MDGA2: variants seen among roughly 807,000 people sequenced by gnomAD.
MDGA2 encodes MAM domain containing glycosylphosphatidylinositol anchor 2, also known as MAM domain-containing glycosylphosphatidylinositol anchor protein 2.
MDGA2 carries 40 observed loss-of-function variants against 117.8 expected under a neutral mutation model. That is an observed-to-expected ratio of 0.34 (90% CI 0.26 to 0.44). The LOEUF (loss-of-function observed/expected upper bound fraction) is 0.44, where lower values mean the gene tolerates loss of function less well. Among genes scored for constraint, MDGA2 ranks in the 20% least tolerant of loss-of-function variants. The probability of loss-of-function intolerance (pLI) is 1.00; values close to 1 mark genes in which losing one functional copy is unlikely to be tolerated. For synonymous variants in MDGA2, 452 were observed against 439.0 expected, an observed-to-expected ratio of 1.03 and a Z score of -0.37; for missense variants, 1,123 against 1,250.6, an observed-to-expected ratio of 0.90 and a Z score of 1.54.
chr14:46,853,631 A>C (rs12893147), intron 15 of MDGA2, among the ~76,000 whole-genome samples: 14 of 151,652 alleles, frequency 9.2e-5, no homozygotes, highest in Admixed American at 9.2e-4. Flanking sequence ...TAAAAAAAAA[A>C]CAACAAGGAT....
At chr14:46,974,288 G>A (rs1197318964) in intron 8 of MDGA2, among the ~76,000 whole-genome samples, 4 of 152,000 alleles carry the variant, frequency 2.6e-5, no homozygotes, top group South Asian at 4.1e-4. Flanking sequence ...TTGTTAATAC[G>A]TCAAAACTAC....
rs1352930790 is a variant in MDGA2, at chr14:47,355,023, T to C, written c.281-53473A>G. ...TTACTACCTGGGTACATTCTGGGTA[T>C]GTTTTCAGATATGTTTTTAAAAGAA... On this transcript the variant is annotated intron_variant, in intron 1 of 16. Coordinates refer to ENST00000399232, the MANE Select transcript of MDGA2 (RefSeq NM_001113498.3). Among the ~76,000 whole-genome samples, 3 of 152,080 alleles carry C rather than the reference T, an allele frequency of 2.0e-5. No individual in the cohort carries two copies. The East Asian group carries it at 5.8e-4, about 29-fold the overall frequency.
intron 1 of MDGA2, among the ~76,000 whole-genome samples, chr14:47,566,419 G>T (rs1358667905): frequency 6.6e-6 from 1 of 152,270 alleles, no homozygotes; most frequent in Admixed American, 6.5e-5. Context: ...GTCTCTTCAG[G>T]TCTGACAGTT....
intron 8 of MDGA2, among the ~76,000 whole-genome samples, chr14:47,016,614 CATT>C (rs1888092098): frequency 6.6e-6 from 1 of 151,998 alleles, no homozygotes; most frequent in Non-Finnish European, 1.5e-5. Context: ...TCAAAACCAT[CATT>C]ATTACTCTAC....
chr14:47,222,296 A>G (rs868858945), intron 2 of MDGA2, among the ~76,000 whole-genome samples: 38 of 152,074 alleles, frequency 2.5e-4, no homozygotes, highest in African/African-American at 7.5e-4. Context: ...GATAATATTT[A>G]TATATAATAA....
At chr14:46,921,076 A>G (rs1283706638) in intron 9 of MDGA2, among the ~76,000 whole-genome samples, 3 of 152,160 alleles carry the variant, frequency 2.0e-5, no homozygotes, top group African/African-American at 7.2e-5. Flanking sequence ...AATTTTTTCT[A>G]TTACAAATAA....
chr14:47,227,022 G>A (rs74675056), intron 2 of MDGA2, among the ~76,000 whole-genome samples: 1,648 of 152,102 alleles, frequency 0.011, 27 homozygotes, highest in African/African-American at 0.038. Context: ...GCTCTATTAT[G>A]TCCTGCCCCC....
At chr14:47,574,811 T>A (rs751152481) in intron 1 of MDGA2, among the ~76,000 whole-genome samples, 9 of 152,114 alleles carry the variant, frequency 5.9e-5, no homozygotes, top group Non-Finnish European at 1.2e-4. Context: ...AAAGAGCAAA[T>A]AATCTGCCCA....
At chr14:46,876,747 C>T (rs1461451501) in intron 12 of MDGA2, among the ~76,000 whole-genome samples, 1 of 151,324 alleles carries the variant, frequency 6.6e-6, no homozygotes, top group African/African-American at 2.4e-5. Flanking sequence ...CCCAGTGGTC[C>T]TTTTGCACCC....
At chr14:47,017,466 A>T (rs1369168739) in intron 8 of MDGA2, among the ~76,000 whole-genome samples, 1 of 152,070 alleles carries the variant, frequency 6.6e-6, no homozygotes, top group Admixed American at 6.5e-5. Flanking sequence ...CTACAAAGAG[A>T]TAGAGCCATA....
At chr14:47,125,593 AG>A (rs1254128319) in intron 5 of MDGA2, among the ~76,000 whole-genome samples, 3 of 152,094 alleles carry the variant, frequency 2.0e-5, no homozygotes, top group East Asian at 3.8e-4. Context: ...TAGAAGAGAA[AG>A]GAAAAAAAAT....
At chr14:47,544,343 A>G (rs1453400762) in intron 1 of MDGA2, among the ~76,000 whole-genome samples, 2 of 152,190 alleles carry the variant, frequency 1.3e-5, no homozygotes, top group East Asian at 1.9e-4. Flanking sequence ...ACTTGTAGTT[A>G]TGGGCTAACA....
intron 2 of MDGA2, among the ~76,000 whole-genome samples, chr14:47,232,861 T>C (rs1886737732): frequency 6.6e-6 from 1 of 152,106 alleles, no homozygotes; most frequent in Admixed American, 6.6e-5. Flanking sequence ...GAAAGAGGAA[T>C]GATGGAAAAT....
At chr14:47,434,611 TG>T (rs1892861777) in intron 1 of MDGA2, among the ~76,000 whole-genome samples, 1 of 152,142 alleles carries the variant, frequency 6.6e-6, no homozygotes, top group Non-Finnish European at 1.5e-5. Flanking sequence ...TTACAGATAA[TG>T]ATAAGATACC....
At chr14:47,661,654 T>C (rs555222715) in intron 1 of MDGA2, among the ~76,000 whole-genome samples, 1 of 152,052 alleles carries the variant, frequency 6.6e-6, no homozygotes, top group East Asian at 1.9e-4. Flanking sequence ...ATTACTGTAA[T>C]GCAGGTGGAA....
intron 1 of MDGA2, among the ~76,000 whole-genome samples, chr14:47,325,275 C>T (rs1288858873): frequency 6.6e-6 from 1 of 152,090 alleles, no homozygotes; most frequent in Non-Finnish European, 1.5e-5. Context: ...GGGATGATTG[C>T]CTCCATCCAT....
chr14:47,027,627 T>TTATATATATA (rs145057227), intron 8 of MDGA2, among the ~76,000 whole-genome samples: 89 of 145,950 alleles, frequency 6.1e-4, no homozygotes, highest in African/African-American at 1.9e-3. Context: ...ATATTATATA[T>TTATATATATA]TATATATATA....
intron 2 of MDGA2, among the ~76,000 whole-genome samples, chr14:47,292,355 A>T (rs1888920173): frequency 6.6e-6 from 1 of 152,178 alleles, no homozygotes; most frequent in Non-Finnish European, 1.5e-5. Context: ...TCATATAACC[A>T]GTGTGAGGAT....
intron 1 of MDGA2, among the ~76,000 whole-genome samples, chr14:47,672,302 A>G (rs967595179): frequency 6.6e-6 from 1 of 152,224 alleles, no homozygotes; most frequent in Non-Finnish European, 1.5e-5. Context: ...CAATATAAAA[A>G]CAAAACTAAA....
Sources: gnomAD v4.1 joint callset for allele counts (sites outside exome capture counted in the v4.1 genomes callset) on GRCh38, gnomAD v4.1.1 for gene constraint, MANE v1.5 for transcripts, NCBI Gene and HGNC (gene_info 2026-07-23, HGNC 2026-07-21) for gene names.